The following NKAIN1 variants were observed in gnomAD, a reference collection of about 807,000 sequenced individuals.
The protein encoded by NKAIN1 is sodium/potassium transporting ATPase interacting 1.
Under a neutral mutation model 31.6 loss-of-function variants are expected in NKAIN1, and 13 were observed. That is an observed-to-expected ratio of 0.41 (90% confidence interval 0.27 to 0.65). The LOEUF (loss-of-function observed/expected upper bound fraction) is 0.65, where lower values mean the gene tolerates loss of function less well. Among genes scored for constraint, NKAIN1 ranks in the 30% least tolerant of loss-of-function variants. The pLI is 0.30. For missense variants in NKAIN1, 193 were observed against 262.2 expected (o/e 0.74, Z 1.82); for synonymous variants, 104 against 109.0 (o/e 0.95, Z 0.28).
At chr1:31,203,578 C>T (rs1414850249) in intron 1 of NKAIN1, among the ~76,000 whole-genome samples, 2 of 139,952 alleles carry the variant, frequency 1.4e-5, no homozygotes, top group Non-Finnish European at 3.0e-5. Flanking sequence ...GTTTTTACAT[C>T]GAGGAGTAAT....
At chr1:31,238,801 G>T (rs1645710733) in intron 1 of NKAIN1, among the ~76,000 whole-genome samples, 1 of 152,182 alleles carries the variant, frequency 6.6e-6, no homozygotes, top group Non-Finnish European at 1.5e-5. Context: ...TCCAGGCTGG[G>T]TCAGGCTGGC....
intron 1 of NKAIN1, among the ~76,000 whole-genome samples, chr1:31,219,069 C>T (rs575478448): frequency 2.6e-5 from 4 of 152,230 alleles, no homozygotes; most frequent in Admixed American, 6.5e-5. Context: ...AGCACCAATG[C>T]GGGTCTACCC....
chr1:31,185,900 C>G (rs1199010361), intron 2 of NKAIN1, among the ~76,000 whole-genome samples: 1 of 152,092 alleles, frequency 6.6e-6, no homozygotes, highest in Non-Finnish European at 1.5e-5. Flanking sequence ...AATGCCAATG[C>G]CTAGCACAGA....
chr1:31,185,257 T>C lies in NKAIN1; in HGVS notation c.263A>G (p.Gln88Arg), dbSNP rs559224904. 2.7e-5 allele frequency: 43 copies of C among 1,608,756 alleles called. 1 individual carries two copies. In the African/African-American group the frequency reaches 5.7e-4, roughly 21 times the overall value. The change falls in exon 3 of 7, where the codon CAG becomes CGG. Residue 88 changes from glutamine to arginine, a missense_variant. Physicochemically the swap from Gln to Arg is conservative, Grantham distance 43 (BLOSUM62 1). Coordinates refer to ENST00000373736, the MANE Select transcript of NKAIN1 (RefSeq NM_024522.3). ...AGGTCTGAGGCTTACCTGGGACAGC[T>C]GTCCAACCTCCAAGTAGAAGCAGAT... ...FIICFYLEVG[Q>R]LSQDRDFIMT...
chr1:31,216,333 G>A (rs1645512038), intron 1 of NKAIN1, among the ~76,000 whole-genome samples: 3 of 152,140 alleles, frequency 2.0e-5, no homozygotes, highest in Admixed American at 2.0e-4. Context: ...CTCTTCACAG[G>A]TGGCATTTCC....
chr1:31,204,097 G>A (rs1645405402), intron 1 of NKAIN1, among the ~76,000 whole-genome samples: 1 of 152,076 alleles, frequency 6.6e-6, no homozygotes, highest in African/African-American at 2.4e-5. Flanking sequence ...GGACAAGCTG[G>A]TCACATGATA....
In NKAIN1 at chr1:31,195,962, AC is replaced by A. The variant is rs113696900; in HGVS notation, c.55-7776del. 1.0e-3 allele frequency among the ~76,000 whole-genome samples: 149 copies of A among 149,280 alleles called. 1 individual carries two copies. The highest frequency in any genetic ancestry group is 3.6e-3 in the African/African-American group (146 of 40,530). On this transcript the variant is annotated intron_variant, in intron 1 of 6. Transcript: ENST00000373736. ...CAGCCTTATCTATCTCAACACTCTC[AC>A]CCCCAAAACTACATAAAAGGTCTCC...
At chr1:31,184,981 G>T (rs1645231523) in intron 3 of NKAIN1, among the ~76,000 whole-genome samples, 1 of 152,300 alleles carries the variant, frequency 6.6e-6, no homozygotes, top group South Asian at 2.1e-4. Context: ...CATACTGTTG[G>T]TTTTTACTGA....
At chr1:31,219,070 G>A (rs1329870235) in intron 1 of NKAIN1, among the ~76,000 whole-genome samples, 6 of 152,208 alleles carry the variant, frequency 3.9e-5, no homozygotes, top group South Asian at 2.1e-4. Context: ...GCACCAATGC[G>A]GGTCTACCCC....
chr1:31,200,453 T>C (rs1645371167), intron 1 of NKAIN1, among the ~76,000 whole-genome samples: 1 of 108,204 alleles, frequency 9.2e-6, no homozygotes, highest in Non-Finnish European at 2.0e-5. Flanking sequence ...AGAAGTCTCC[T>C]CTCTCTTTTT....
intron 1 of NKAIN1, among the ~76,000 whole-genome samples, chr1:31,237,461 G>T (rs1468459153): frequency 6.6e-6 from 1 of 151,796 alleles, no homozygotes; most frequent in East Asian, 1.9e-4. Flanking sequence ...CTGCTAACAG[G>T]TTCACCTTTG....
chr1:31,181,544 T>C lies in NKAIN1; in HGVS notation c.*159A>G. The C allele has an allele frequency of 1.6e-6, 1 of 614,254 alleles. No homozygotes were observed. The highest frequency in any genetic ancestry group is 1.9e-5 in the African/African-American group (1 of 51,884). 38.1% of individuals were successfully genotyped at this position (614,254 alleles called of 1,614,324 possible). ...GCTCAAATCCAAGTCCAAGTCCAAG[T>C]CCACGTCCAAGTCCGCATCTCCAGA... On this transcript the variant is annotated 3_prime_UTR_variant, in exon 7 of 7. Coordinates refer to ENST00000373736, the MANE Select transcript of NKAIN1 (RefSeq NM_024522.3).
chr1:31,204,689 C>G (rs1291647672), intron 1 of NKAIN1, among the ~76,000 whole-genome samples: 2 of 152,212 alleles, frequency 1.3e-5, no homozygotes, highest in Non-Finnish European at 2.9e-5. Flanking sequence ...GGTGATTAAT[C>G]AGATTCCCCA....
intron 1 of NKAIN1, among the ~76,000 whole-genome samples, chr1:31,234,920 AC>A (rs1645683869): frequency 6.6e-6 from 1 of 151,912 alleles, no homozygotes; most frequent in Non-Finnish European, 1.5e-5. Context: ...CAAACGTCAC[AC>A]CCCTTCGCAC....
intron 3 of NKAIN1, among the ~76,000 whole-genome samples, chr1:31,184,632 C>T (rs1332924361): frequency 3.3e-5 from 5 of 152,146 alleles, no homozygotes; most frequent in Admixed American, 1.3e-4. Flanking sequence ...CAGGGTAATA[C>T]AGCTAGAAGG....
chr1:31,235,379 A>G (rs186131650), intron 1 of NKAIN1, among the ~76,000 whole-genome samples: 1 of 152,350 alleles, frequency 6.6e-6, no homozygotes, highest in Non-Finnish European at 1.5e-5. Flanking sequence ...CAAGGGACCC[A>G]AGATGTTCTA....
intron 1 of NKAIN1, among the ~76,000 whole-genome samples, chr1:31,222,009 G>A (rs1300163824): frequency 6.6e-6 from 1 of 152,078 alleles, no homozygotes; most frequent in African/African-American, 2.4e-5. Context: ...CTCCTGAGGA[G>A]CTGGAATTAC....
At chr1:31,199,850 C>T (rs1022997479) in intron 1 of NKAIN1, among the ~76,000 whole-genome samples, 2 of 152,134 alleles carry the variant, frequency 1.3e-5, no homozygotes, top group African/African-American at 2.4e-5. Flanking sequence ...AACAACATGG[C>T]GTGTATCCTG....
chr1:31,187,560 C>G (rs1645252920), intron 2 of NKAIN1, among the ~76,000 whole-genome samples: 1 of 152,176 alleles, frequency 6.6e-6, no homozygotes, highest in Non-Finnish European at 1.5e-5. Flanking sequence ...CCTCCTGTGT[C>G]CTTGCGCCCA....
Sources: allele counts gnomAD v4.1 joint callset (sites outside exome capture counted in the v4.1 genomes callset), GRCh38; gene constraint gnomAD v4.1.1; transcripts MANE v1.5; gene names NCBI Gene and HGNC (gene_info 2026-07-23, HGNC 2026-07-21).